The following GPM6A variants were observed in gnomAD, a reference collection of about 807,000 sequenced individuals.
The protein encoded by GPM6A is glycoprotein M6A.
Under a neutral mutation model 32.1 loss-of-function variants are expected in GPM6A, and 7 were observed. The observed-to-expected ratio is 0.22, with a 90% CI of 0.12 to 0.41. GPM6A has a LOEUF of 0.41. GPM6A is among the 10% of genes least tolerant of loss of function. The pLI is 1.00. For synonymous variants in GPM6A, 130 were observed against 123.4 expected (o/e 1.05, Z -0.35); for missense variants, 235 against 347.2 (o/e 0.68, Z 2.57).
chr4:175,639,027 A>C (rs542305709), intron 6 of GPM6A, among the ~76,000 whole-genome samples: 1 of 152,174 alleles, frequency 6.6e-6, no homozygotes, highest in East Asian at 1.9e-4. Flanking sequence ...CACGTTCTGA[A>C]ACAAAATTTC....
intron 1 of GPM6A, among the ~76,000 whole-genome samples, chr4:175,949,251 T>A (rs1038408907): frequency 2.0e-5 from 3 of 152,214 alleles, no homozygotes; most frequent in African/African-American, 7.2e-5. Context: ...AATATGTATA[T>A]CCTTTTTTAA....
rs901413808 is a variant in GPM6A at position 175,901,237 on chromosome 4, A to G, written c.-22-88988T>C. On this transcript the variant is annotated intron_variant, in intron 1 of 7. Transcript: ENST00000280187. Reference sequence around the variant, plus strand: ...AAGACATAGTATTTGATAGAACCACAGAGTAACTATAGTCAATAGTAATTT... The same window carrying G: ...AAGACATAGTATTTGATAGAACCACGGAGTAACTATAGTCAATAGTAATTT... 6.6e-5 allele frequency among the ~76,000 whole-genome samples: 10 copies of G among 152,172 alleles called. 1 individual carries two copies. Among genetic ancestry groups the G allele is most frequent in the Admixed American group, 6.5e-4 (10 of 15,270 alleles).
chr4:175,777,399 C>T (rs1302432401), intron 1 of GPM6A, among the ~76,000 whole-genome samples: 2 of 151,976 alleles, frequency 1.3e-5, no homozygotes, highest in East Asian at 1.9e-4. Flanking sequence ...ATATCTTAGT[C>T]CTTATCCTAT....
intron 1 of GPM6A, among the ~76,000 whole-genome samples, chr4:175,873,642 T>C (rs529552035): frequency 6.6e-6 from 1 of 152,268 alleles, no homozygotes; most frequent in Admixed American, 6.5e-5. Context: ...AAAAGGCACT[T>C]AATTTCTGTT....
intron 1 of GPM6A, among the ~76,000 whole-genome samples, chr4:175,902,042 C>G (rs1367882177): frequency 6.6e-6 from 1 of 152,062 alleles, no homozygotes; most frequent in Non-Finnish European, 1.5e-5. Context: ...AAGATGTGGA[C>G]AAGAATGTGT....
At chr4:175,958,021 T>C (rs1390675194) in intron 1 of GPM6A, among the ~76,000 whole-genome samples, 4 of 152,180 alleles carry the variant, frequency 2.6e-5, no homozygotes, top group Non-Finnish European at 4.4e-5. Context: ...GCCTCCCGAG[T>C]AGCTGGGATT....
At chr4:175,861,628 G>A (rs1182292223) in intron 1 of GPM6A, among the ~76,000 whole-genome samples, 1 of 151,084 alleles carries the variant, frequency 6.6e-6, no homozygotes, top group Non-Finnish European at 1.5e-5. Context: ...GGCCCACACT[G>A]TAATCCCAGT....
chr4:175,745,008 C>T (rs952838717), intron 1 of GPM6A, among the ~76,000 whole-genome samples: 1 of 152,042 alleles, frequency 6.6e-6, no homozygotes, highest in African/African-American at 2.4e-5. Flanking sequence ...TTCATTATCC[C>T]TTTTCTCTGA....
intron 1 of GPM6A, among the ~76,000 whole-genome samples, chr4:175,835,897 A>C (rs1054904766): frequency 6.6e-6 from 1 of 151,226 alleles, no homozygotes; most frequent in South Asian, 2.1e-4. Context: ...ATTTACCCAA[A>C]AGCCAGAAAG....
rs116775103 is a variant in GPM6A, at chr4:175,703,724, A to G, written c.38-1957T>C. Among the ~76,000 whole-genome samples the G allele has an allele frequency of 3.6e-3, 553 of 152,346 alleles. 4 individuals are homozygous for G. The highest frequency in any genetic ancestry group is 0.013 in the African/African-American group (525 of 41,576). On this transcript the variant is annotated intron_variant, in intron 1 of 6. Transcript: ENST00000393658. ...TGCTTAAGTATATATGTTTTGCAAG[A>G]GCAAATACTGGTGAGGCACTATGTG... is the stretch of plus-strand genomic sequence containing the variant.
chr4:175,890,949 C>T (rs1737630199), intron 1 of GPM6A, among the ~76,000 whole-genome samples: 1 of 151,928 alleles, frequency 6.6e-6, no homozygotes, highest in Non-Finnish European at 1.5e-5. Context: ...GATACATAGC[C>T]CAAATGATAT....
intron 1 of GPM6A, among the ~76,000 whole-genome samples, chr4:175,894,672 A>G (rs1341465124): frequency 6.6e-6 from 1 of 152,198 alleles, no homozygotes; most frequent in Non-Finnish European, 1.5e-5. Context: ...TTAGTAGTAT[A>G]TATTTTTAAT....
At chr4:175,658,314 A>G (rs890300840) in intron 3 of GPM6A, among the ~76,000 whole-genome samples, 1 of 152,048 alleles carries the variant, frequency 6.6e-6, no homozygotes, top group Non-Finnish European at 1.5e-5. Context: ...AAAAAAAACA[A>G]TCTGAAAAGG....
At position 175,651,824 on chromosome 4, in the gene GPM6A, A is replaced by C. The variant is rs775371356; in HGVS notation, c.541+10T>G. ...GTGTTTTACAGTTTAGAGATCCAAT[A>C]TCCACTTACCAAACTGACGAAGGTC... On this transcript the variant is annotated intron_variant, in intron 4 of 6. Transcript: ENST00000393658. 1 of 1,608,630 alleles carries C rather than the reference A, an allele frequency of 6.2e-7. No homozygotes were observed. The highest frequency in any genetic ancestry group is 8.5e-7 in the Non-Finnish European group (1 of 1,176,228).
chr4:175,933,737 G>C (rs1055610229), intron 1 of GPM6A, among the ~76,000 whole-genome samples: 1 of 152,084 alleles, frequency 6.6e-6, no homozygotes, highest in Non-Finnish European at 1.5e-5. Flanking sequence ...GTGGAGACAG[G>C]GTTTCACCGT....
intron 1 of GPM6A, among the ~76,000 whole-genome samples, chr4:175,710,652 T>C (rs1745476130): frequency 6.6e-6 from 1 of 152,194 alleles, no homozygotes; most frequent in South Asian, 2.1e-4. Flanking sequence ...GCAGAAATTT[T>C]CATCACCAAC....
intron 1 of GPM6A, among the ~76,000 whole-genome samples, chr4:175,775,985 C>T (rs1483227667): frequency 1.3e-5 from 2 of 152,092 alleles, no homozygotes; most frequent in Non-Finnish European, 2.9e-5. Context: ...TCAAAAGACA[C>T]TAAATTCTGG....
chr4:175,651,196 A>G (rs1190737367), intron 4 of GPM6A, among the ~76,000 whole-genome samples: 1 of 152,178 alleles, frequency 6.6e-6, no homozygotes, highest in South Asian at 2.1e-4. Flanking sequence ...AGAAGAAAAC[A>G]GTATGGCCTA....
At chr4:175,913,248 T>A (rs750676362) in intron 1 of GPM6A, among the ~76,000 whole-genome samples, 5 of 152,196 alleles carry the variant, frequency 3.3e-5, no homozygotes, top group Non-Finnish European at 7.3e-5. Context: ...TATAAAAAGA[T>A]GATTTGTAAA....
Sources: allele counts gnomAD v4.1 joint callset (sites outside exome capture counted in the v4.1 genomes callset), GRCh38; gene constraint gnomAD v4.1.1; transcripts MANE v1.5; gene names NCBI Gene and HGNC (gene_info 2026-07-23, HGNC 2026-07-21).